Variants in ADCY2 observed in about 807,000 individuals in gnomAD.
ADCY2 encodes the protein adenylate cyclase type 2.
A neutral mutation model predicts 125.2 loss-of-function variants in ADCY2; 31 were observed. The ratio of observed to expected loss-of-function variants is 0.25; its 90% confidence interval spans 0.19 to 0.33. The LOEUF (loss-of-function observed/expected upper bound fraction) is 0.33, where lower values mean the gene tolerates loss of function less well. ADCY2 is among the 10% of genes least tolerant of loss of function. The pLI, the probability that ADCY2 is intolerant of heterozygous loss-of-function variation, is 1.00. For missense variants in ADCY2, 904 were observed against 1,418.2 expected, an observed-to-expected ratio of 0.64 and a Z score of 5.82; for synonymous variants, 512 against 548.4, an observed-to-expected ratio of 0.93 and a Z score of 0.93.
At chr5:7,502,759 GA>G (rs2126506409) in intron 2 of ADCY2, among the ~76,000 whole-genome samples, 1 of 152,276 alleles carries the variant, frequency 6.6e-6, no homozygotes, top group East Asian at 1.9e-4. Context: ...GAATGACCCT[GA>G]TACTCATCTA....
intron 15 of ADCY2, among the ~76,000 whole-genome samples, chr5:7,746,529 T>C (rs1352244634): frequency 2.0e-5 from 3 of 152,224 alleles, no homozygotes; most frequent in Non-Finnish European, 4.4e-5. Context: ...CAAAAACTGC[T>C]CATCACAAAT....
chr5:7,761,265 T>C (rs1259138838), intron 16 of ADCY2, among the ~76,000 whole-genome samples: 1 of 147,978 alleles, frequency 6.8e-6, no homozygotes, highest in Non-Finnish European at 1.5e-5. Context: ...TTCTCCTGCC[T>C]CAGCCCCCTG....
In ADCY2 at chr5:7,446,278, A is replaced by C. The variant is rs546322842; in HGVS notation, c.408+31508A>C. Among the ~76,000 whole-genome samples, 12 of 152,344 alleles carry C rather than the reference A, an allele frequency of 7.9e-5. No individual in the cohort carries two copies. In the South Asian group the frequency reaches 2.5e-3, roughly 32 times the overall value. Reference sequence around the variant, plus strand: ...CATTTAATATCTTCAACTATATTTAAGAAACTTGATTGTTCGTTGTAGTCT... The same window carrying C: ...CATTTAATATCTTCAACTATATTTACGAAACTTGATTGTTCGTTGTAGTCT... On this transcript the variant is annotated intron_variant, in intron 2 of 24. Coordinates refer to ENST00000338316, the MANE Select transcript of ADCY2 (RefSeq NM_020546.3).
intron 3 of ADCY2, among the ~76,000 whole-genome samples, chr5:7,575,788 G>T (rs965552483): frequency 6.6e-6 from 1 of 151,892 alleles, no homozygotes; most frequent in Non-Finnish European, 1.5e-5. Context: ...TTAACAAAAT[G>T]TTCTAACACC....
chr5:7,788,044 ATT>A (rs35720460), intron 19 of ADCY2, among the ~76,000 whole-genome samples: 3 of 151,614 alleles, frequency 2.0e-5, no homozygotes, highest in South Asian at 2.1e-4. Flanking sequence ...CCACTGATTT[ATT>A]TTTTTTTTTA....
intron 2 of ADCY2, among the ~76,000 whole-genome samples, chr5:7,507,660 G>A (rs935742371): frequency 6.6e-6 from 1 of 152,130 alleles, no homozygotes; most frequent in Admixed American, 6.6e-5. Flanking sequence ...CATTTGATGA[G>A]AAAGGTAATT....
At chr5:7,476,343 G>A (rs892941118) in intron 2 of ADCY2, among the ~76,000 whole-genome samples, 64 of 152,078 alleles carry the variant, frequency 4.2e-4, no homozygotes, top group African/African-American at 1.5e-3. Context: ...GATCCCCCAC[G>A]CCTGGACATT....
intron 3 of ADCY2, among the ~76,000 whole-genome samples, chr5:7,577,830 T>C (rs899865660): frequency 1.3e-5 from 2 of 152,172 alleles, no homozygotes; most frequent in African/African-American, 2.4e-5. Flanking sequence ...GAAAAATGTT[T>C]GGTTAAAAGC....
Position 7,738,998 on chromosome 5 carries a change from AT to A in ADCY2, c.1872-4668del, listed in dbSNP as rs1742332563. On this transcript the variant is annotated intron_variant, in intron 14 of 24. Coordinates refer to ENST00000338316, the MANE Select transcript of ADCY2 (RefSeq NM_020546.3). ...GATATTTAGTATCTCTTTTCTAGTT[AT>A]TATTATTATACCAATAGGAATATAT... 2.6e-5 allele frequency among the ~76,000 whole-genome samples: 4 copies of A among 151,904 alleles called. No homozygotes were observed. In the South Asian group the frequency reaches 8.3e-4, roughly 31 times the overall value.
At chr5:7,556,901 T>G (rs1314082399) in intron 3 of ADCY2, among the ~76,000 whole-genome samples, 1 of 152,068 alleles carries the variant, frequency 6.6e-6, no homozygotes, top group African/African-American at 2.4e-5. Context: ...GGAAAAATTG[T>G]CTTCCACAAA....
At chr5:7,544,464 G>A (rs1037301834) in intron 3 of ADCY2, among the ~76,000 whole-genome samples, 2 of 152,008 alleles carry the variant, frequency 1.3e-5, no homozygotes, top group African/African-American at 2.4e-5. Context: ...CTACCCTCAC[G>A]TCTCCAATTT....
Position 7,802,107 on chromosome 5 carries a change from A to T in ADCY2, c.2629-111A>T. 7.7e-7 allele frequency: 1 copy of T among 1,294,898 alleles called. No homozygotes were observed. Among genetic ancestry groups the T allele is most frequent in the Non-Finnish European group, 1.1e-6 (1 of 938,694 alleles). 80.2% of individuals were successfully genotyped at this position (1,294,898 alleles called of 1,614,324 possible). ...CTGGGGTGGGGCAAGTGGAGTAGGC[A>T]TTTGGGCGATGTCTGTGTGAATCCT... On this transcript the variant is annotated intron_variant, in intron 20 of 24. Coordinates refer to ENST00000338316, the MANE Select transcript of ADCY2 (RefSeq NM_020546.3). This position sits in a 1 kb window ranked among gnomAD's most constrained non-coding sequence, Gnocchi z 4.6.
rs139089777 is a variant in ADCY2 at position 7,712,907 on chromosome 5, ATCTC to A, written c.1622+12_1622+15del. The A allele has an allele frequency of 1.4e-5, 22 of 1,588,808 alleles. No homozygotes were observed. In the Middle Eastern group the frequency reaches 5.0e-4, roughly 36 times the overall value. Reference sequence around the variant, plus strand: ...TCAAAATCGCACCTTAAGGTATGGTATCTCTCTATCTGATTTTTTAAAGCTTATT... The same window carrying A: ...TCAAAATCGCACCTTAAGGTATGGTATCTATCTGATTTTTTAAAGCTTATT... On this transcript the variant is annotated intron_variant, in intron 11 of 24. Transcript: ENST00000338316.
In ADCY2 at chr5:7,481,050, A is replaced by G. The variant is rs566527820; in HGVS notation, c.409-39688A>G. 9.0e-4 allele frequency among the ~76,000 whole-genome samples: 137 copies of G among 151,920 alleles called. 1 individual carries two copies. The highest frequency in any genetic ancestry group is 3.0e-3 in the African/African-American group (124 of 41,416). ...GTAACTCTATTTTTAGTTTTTGAGG[A>G]CCCTTTATGCTGTTCTCCATAGTGG... On this transcript the variant is annotated intron_variant, in intron 2 of 24. Transcript: ENST00000338316.
intron 3 of ADCY2, among the ~76,000 whole-genome samples, chr5:7,527,800 T>A (rs572857312): frequency 6.6e-6 from 1 of 152,228 alleles, no homozygotes; most frequent in Non-Finnish European, 1.5e-5. Context: ...ACTGAGTCTT[T>A]TTAAGTATAA....
At chr5:7,520,381 T>G (rs1297419605) in intron 2 of ADCY2, among the ~76,000 whole-genome samples, 1 of 152,192 alleles carries the variant, frequency 6.6e-6, no homozygotes, top group Non-Finnish European at 1.5e-5. Context: ...CCCTCCTCTG[T>G]GGGTCTCCCT....
chr5:7,614,057 G>A (rs1295494580), intron 3 of ADCY2, among the ~76,000 whole-genome samples: 6 of 152,180 alleles, frequency 3.9e-5, no homozygotes, highest in African/African-American at 1.4e-4. Flanking sequence ...ACCAGTTTGA[G>A]CAATCAATAA....
intron 5 of ADCY2, among the ~76,000 whole-genome samples, chr5:7,692,904 C>T (rs909784316): frequency 1.3e-5 from 2 of 152,164 alleles, no homozygotes; most frequent in African/African-American, 4.8e-5. Flanking sequence ...AAATGATGCT[C>T]ATACACAGGC....
chr5:7,484,582 T>C (rs190345610), intron 2 of ADCY2, among the ~76,000 whole-genome samples: 2 of 152,306 alleles, frequency 1.3e-5, no homozygotes, highest in African/African-American at 4.8e-5. Flanking sequence ...GACTTTGTTT[T>C]TTATCCTATG....
Sources: gnomAD v4.1 joint callset for allele counts (sites outside exome capture counted in the v4.1 genomes callset) on GRCh38, gnomAD v4.1.1 for gene constraint, Gnocchi (gnomAD v3.1) non-coding constraint, MANE v1.5 for transcripts, NCBI Gene and HGNC (gene_info 2026-07-23, HGNC 2026-07-21) for gene names.